The following FBXL17 variants were observed in gnomAD, a reference collection of about 807,000 sequenced individuals.
The protein encoded by FBXL17 is F-box/LRR-repeat protein 17.
A neutral mutation model predicts 66.2 loss-of-function variants in FBXL17; 22 were observed. The observed-to-expected ratio is 0.33, with a 90% confidence interval of 0.24 to 0.47. FBXL17 has a LOEUF of 0.47. Ranked by LOEUF, FBXL17 falls within the 20% of genes least tolerant of loss-of-function variation. FBXL17 has a pLI of 1.00. For missense variants in FBXL17, 878 were observed against 948.2 expected, an observed-to-expected ratio of 0.93 and a Z score of 0.97; for synonymous variants, 474 against 400.5, an observed-to-expected ratio of 1.18 and a Z score of -2.19.
At chr5:108,212,056 CTCTT>C (rs1229841183) in intron 5 of FBXL17, among the ~76,000 whole-genome samples, 19 of 152,068 alleles carry the variant, frequency 1.2e-4, no homozygotes, top group Non-Finnish European at 2.2e-4. Context: ...ATTGTCTTCT[CTCTT>C]TCTTTCATTA....
chr5:108,067,336 C>T (rs916853621), intron 6 of FBXL17, among the ~76,000 whole-genome samples: 1 of 151,926 alleles, frequency 6.6e-6, no homozygotes, highest in Admixed American at 6.6e-5. Context: ...TCATTTTGTT[C>T]CGATTAGTAA....
chr5:108,232,780 C>CAT (rs758322541), intron 4 of FBXL17, among the ~76,000 whole-genome samples: 3 of 32,682 alleles, frequency 9.2e-5, no homozygotes, highest in Non-Finnish European at 1.8e-4. Flanking sequence ...AATAAGCTCT[C>CAT]ACATATATAT....
At position 107,861,694 on chromosome 5, in the gene FBXL17, C is replaced by CAAT; in HGVS notation, c.*25_*26insATT. 1 of 1,538,846 alleles carries CAAT rather than the reference C, an allele frequency of 6.5e-7. No homozygotes were observed. The highest frequency in any genetic ancestry group is 8.8e-7 in the Non-Finnish European group (1 of 1,139,126). On this transcript the variant is annotated 3_prime_UTR_variant, in exon 9 of 9. Transcript: ENST00000542267. Reference sequence around the variant, plus strand: ...TTCTCCTCTGCTCTGCTGAATGATCCCAGTGGACTAGGCGAGGCAGGAGCG... The same window carrying CAAT: ...TTCTCCTCTGCTCTGCTGAATGATCCAATCAGTGGACTAGGCGAGGCAGGAGCG...
At chr5:108,178,450 C>T (rs1752880519) in intron 6 of FBXL17, among the ~76,000 whole-genome samples, 1 of 151,906 alleles carries the variant, frequency 6.6e-6, no homozygotes, top group Admixed American at 6.6e-5. Context: ...TATGTGAATA[C>T]AAAAAAATAG....
chr5:108,158,233 A>C (rs942805217), intron 6 of FBXL17, among the ~76,000 whole-genome samples: 2 of 151,918 alleles, frequency 1.3e-5, no homozygotes, highest in African/African-American at 4.9e-5. Context: ...AGTATCCATA[A>C]GTATATTAAA....
chr5:107,994,136 T>C (rs1395527467), intron 7 of FBXL17, among the ~76,000 whole-genome samples: 1 of 152,188 alleles, frequency 6.6e-6, no homozygotes, highest in African/African-American at 2.4e-5. Context: ...TACATATTGA[T>C]TCATAAAGCC....
At chr5:107,982,140 G>A (rs569663624) in intron 7 of FBXL17, among the ~76,000 whole-genome samples, 7 of 152,090 alleles carry the variant, frequency 4.6e-5, no homozygotes, top group African/African-American at 1.7e-4. Flanking sequence ...TAAGCACAAA[G>A]GTAAAAGATA....
intron 7 of FBXL17, among the ~76,000 whole-genome samples, chr5:108,009,816 C>T (rs1449632009): frequency 6.6e-6 from 1 of 152,164 alleles, no homozygotes; most frequent in African/African-American, 2.4e-5. Flanking sequence ...AATCATCAAT[C>T]TGTCTGGTTC....
chr5:108,135,314 C>T (rs1229586237), intron 6 of FBXL17, among the ~76,000 whole-genome samples: 4 of 152,082 alleles, frequency 2.6e-5, no homozygotes, highest in East Asian at 3.9e-4. Flanking sequence ...ACTTTCAATA[C>T]GAACTAGGAG....
chr5:107,976,244 C>A (rs1218001759), intron 7 of FBXL17, among the ~76,000 whole-genome samples: 1 of 152,174 alleles, frequency 6.6e-6, no homozygotes, highest in Non-Finnish European at 1.5e-5. Context: ...GATTCCCTAT[C>A]TGCAACTTTT....
chr5:107,881,918 A>C (rs1748806536), intron 7 of FBXL17, among the ~76,000 whole-genome samples: 1 of 152,216 alleles, frequency 6.6e-6, no homozygotes, highest in South Asian at 2.1e-4. Flanking sequence ...TAAAGTGCAG[A>C]CACTTATCCC....
chr5:108,017,123 G>T (rs2112754564), intron 7 of FBXL17, among the ~76,000 whole-genome samples: 1 of 152,246 alleles, frequency 6.6e-6, no homozygotes. Flanking sequence ...AAAAAAGTAG[G>T]TTGGGAAGTA....
At chr5:108,280,627 A>G (rs1757664027) in intron 4 of FBXL17, among the ~76,000 whole-genome samples, 1 of 151,994 alleles carries the variant, frequency 6.6e-6, no homozygotes, top group African/African-American at 2.4e-5. Context: ...AGAATTTAGA[A>G]AACAATTACA....
chr5:108,288,953 G>C (rs1758006941), intron 4 of FBXL17, among the ~76,000 whole-genome samples: 1 of 151,930 alleles, frequency 6.6e-6, no homozygotes, highest in South Asian at 2.1e-4. Flanking sequence ...AAAAATGTTG[G>C]GAAGAAAATG....
chr5:108,317,485 C>A (rs1350753460), intron 4 of FBXL17, among the ~76,000 whole-genome samples: 1 of 150,894 alleles, frequency 6.6e-6, no homozygotes, highest in African/African-American at 2.4e-5. Flanking sequence ...AAAATATGTA[C>A]AACTACTATA....
chr5:108,171,974 C>T (rs1040928216), intron 6 of FBXL17, among the ~76,000 whole-genome samples: 1 of 152,178 alleles, frequency 6.6e-6, no homozygotes, highest in Non-Finnish European at 1.5e-5. Context: ...CCGTGTAAGA[C>T]GTGACTTGCT....
intron 6 of FBXL17, among the ~76,000 whole-genome samples, chr5:108,172,420 C>T (rs955693486): frequency 3.3e-5 from 5 of 152,134 alleles, no homozygotes; most frequent in South Asian, 4.1e-4. Context: ...GGACAGGCAA[C>T]GTCATATTGC....
chr5:108,345,908 T>C (rs1747247595), intron 4 of FBXL17, among the ~76,000 whole-genome samples: 1 of 152,156 alleles, frequency 6.6e-6, no homozygotes, highest in Non-Finnish European at 1.5e-5. Flanking sequence ...AATACTCTTT[T>C]TGAGAATATT....
intron 6 of FBXL17, among the ~76,000 whole-genome samples, chr5:108,046,899 G>GTC (rs532661202): frequency 3.9e-4 from 59 of 152,292 alleles, no homozygotes; most frequent in Admixed American, 1.0e-3. Flanking sequence ...ATATTGCAAA[G>GTC]TCCCTTCCTT....
Sources: allele counts gnomAD v4.1 joint callset (sites outside exome capture counted in the v4.1 genomes callset), GRCh38; gene constraint gnomAD v4.1.1; transcripts MANE v1.5; gene names NCBI Gene and HGNC (gene_info 2026-07-23, HGNC 2026-07-21).